The following SH3BGRL2 variants were observed in gnomAD, a reference collection of about 807,000 sequenced individuals.
SH3BGRL2 encodes SH3 domain-binding glutamic acid-rich-like protein 2.
SH3BGRL2 carries 21 observed loss-of-function variants against 14.8 expected under a neutral mutation model. The observed-to-expected ratio is 1.42, with a 90% CI of 1.01 to 2.05. The LOEUF (loss-of-function observed/expected upper bound fraction) is 2.05, where lower values mean the gene tolerates loss of function less well. Ranked by LOEUF, SH3BGRL2 falls within the 30% of genes most tolerant of loss-of-function variation. The pLI is 0.00. For synonymous variants in SH3BGRL2, 50 were observed against 47.8 expected, an observed-to-expected ratio of 1.05 and a Z score of -0.19; for missense variants, 147 against 130.8, an observed-to-expected ratio of 1.12 and a Z score of -0.61.
chr6:79,679,369 T>C (rs1410894010), intron 2 of SH3BGRL2, among the ~76,000 whole-genome samples: 2 of 149,912 alleles, frequency 1.3e-5, no homozygotes, highest in Non-Finnish European at 3.0e-5. Context: ...TTAGTAATGA[T>C]GAACATTTTT....
At chr6:79,560,830 A>G in the SH3BGRL2 span, among the ~76,000 whole-genome samples, 1 of 151,400 alleles carries the variant, frequency 6.6e-6, no homozygotes, top group Non-Finnish European at 1.5e-5. Context: ...TTTAAAAAGA[A>G]GAGTGGAAGA....
the SH3BGRL2 span, among the ~76,000 whole-genome samples, chr6:79,592,809 T>C: frequency 2.2e-4 from 34 of 152,304 alleles, no homozygotes; most frequent in African/African-American, 7.9e-4. Context: ...CCTATTATTA[T>C]TTCCATTTTA....
the SH3BGRL2 span, among the ~76,000 whole-genome samples, chr6:79,591,780 TATAC>T: frequency 6.6e-6 from 1 of 152,204 alleles, no homozygotes; most frequent in African/African-American, 2.4e-5. Flanking sequence ...CAGATGTATG[TATAC>T]TCCACTTTAT....
chr6:79,590,440 T>G, the SH3BGRL2 span, among the ~76,000 whole-genome samples: 3 of 126,988 alleles, frequency 2.4e-5, no homozygotes, highest in East Asian at 2.6e-4. Flanking sequence ...TATATATATA[T>G]ATATATATAT....
At chr6:79,556,089 C>T in the SH3BGRL2 span, among the ~76,000 whole-genome samples, 1 of 151,862 alleles carries the variant, frequency 6.6e-6, no homozygotes, top group Admixed American at 6.6e-5. Flanking sequence ...AAATTCAAAA[C>T]AAAAAGGAAG....
chr6:79,688,245 A>G (rs1275430280), intron 2 of SH3BGRL2, among the ~76,000 whole-genome samples: 2 of 151,844 alleles, frequency 1.3e-5, no homozygotes, highest in Admixed American at 6.6e-5. Context: ...TCAGGTTGCT[A>G]TATTCTTAAA....
At chr6:79,630,338 C>A (rs1315689776), upstream of SH3BGRL2, among the ~76,000 whole-genome samples, 3 of 152,210 alleles carry the variant, frequency 2.0e-5, no homozygotes, top group African/African-American at 4.8e-5. Context: ...TGTTCCCAGA[C>A]CTCTGCTAAA....
intron 2 of SH3BGRL2, among the ~76,000 whole-genome samples, chr6:79,685,460 C>G (rs902932338): frequency 2.6e-5 from 4 of 152,092 alleles, no homozygotes; most frequent in Admixed American, 2.6e-4. Flanking sequence ...TGAGGCTCTG[C>G]TTTGTCATTT....
At chr6:79,657,502 G>A (rs1470191420) in intron 1 of SH3BGRL2, among the ~76,000 whole-genome samples, 3 of 152,130 alleles carry the variant, frequency 2.0e-5, no homozygotes, top group African/African-American at 4.8e-5. Flanking sequence ...TGTGGAAGAC[G>A]CTGATTTTAG....
chr6:79,637,121 A>G (rs1365213741), intron 1 of SH3BGRL2, among the ~76,000 whole-genome samples: 10 of 152,218 alleles, frequency 6.6e-5, no homozygotes, highest in Non-Finnish European at 1.3e-4. Flanking sequence ...ATATGGAACT[A>G]TAGTCTATGT....
At chr6:79,605,644 G>C in the SH3BGRL2 span, among the ~76,000 whole-genome samples, 1 of 152,180 alleles carries the variant, frequency 6.6e-6, no homozygotes, top group African/African-American at 2.4e-5. Flanking sequence ...TCTGTAGCAT[G>C]GGAATTCAAG....
the SH3BGRL2 span, among the ~76,000 whole-genome samples, chr6:79,584,665 T>C: frequency 6.6e-6 from 1 of 152,178 alleles, no homozygotes; most frequent in Non-Finnish European, 1.5e-5. Context: ...GGGGAACATA[T>C]GATAATTTGA....
At chr6:79,580,290 G>A in the SH3BGRL2 span, among the ~76,000 whole-genome samples, 2 of 152,082 alleles carry the variant, frequency 1.3e-5, no homozygotes, top group Non-Finnish European at 2.9e-5. Flanking sequence ...CAACAAGCAG[G>A]TCTAATAGAA....
At chr6:79,582,571 C>A in the SH3BGRL2 span, among the ~76,000 whole-genome samples, 3 of 152,166 alleles carry the variant, frequency 2.0e-5, no homozygotes, top group African/African-American at 7.2e-5. Context: ...GCTGGAAAAA[C>A]TGACTAGCCA....
chr6:79,670,981 C>G (rs1474548208), intron 1 of SH3BGRL2, among the ~76,000 whole-genome samples: 1 of 152,140 alleles, frequency 6.6e-6, no homozygotes, highest in East Asian at 1.9e-4. Flanking sequence ...ATGTGATTAA[C>G]AATAGAGGTG....
At chr6:79,667,416 C>T (rs1769681293) in intron 1 of SH3BGRL2, among the ~76,000 whole-genome samples, 1 of 149,970 alleles carries the variant, frequency 6.7e-6, no homozygotes, top group Admixed American at 6.7e-5. Flanking sequence ...AGGCTGAACT[C>T]AAAATATGTA....
chr6:79,686,220 T>TA (rs1770086901), intron 2 of SH3BGRL2, among the ~76,000 whole-genome samples: 1 of 152,184 alleles, frequency 6.6e-6, no homozygotes, highest in African/African-American at 2.4e-5. Flanking sequence ...TATGTGCCTT[T>TA]AAAAAACATT....
At chr6:79,630,439 C>T (rs1024948467), upstream of SH3BGRL2, among the ~76,000 whole-genome samples, 1 of 152,140 alleles carries the variant, frequency 6.6e-6, no homozygotes, top group Non-Finnish European at 1.5e-5. Context: ...GAGCTTTTGT[C>T]AAACAGAAAG....
At chr6:79,626,177 G>A in the SH3BGRL2 span, among the ~76,000 whole-genome samples, 1 of 152,132 alleles carries the variant, frequency 6.6e-6, no homozygotes, top group Admixed American at 6.5e-5. Flanking sequence ...TAGCACTTTG[G>A]GAGGCTGAGG....
Sources: allele counts gnomAD v4.1 joint callset (sites outside exome capture counted in the v4.1 genomes callset), GRCh38; gene constraint gnomAD v4.1.1; transcripts MANE v1.5; gene names NCBI Gene and HGNC (gene_info 2026-07-23, HGNC 2026-07-21).